ZFR: variants seen among roughly 807,000 people sequenced by gnomAD.
ZFR encodes zinc finger RNA binding protein, also known as zinc finger RNA-binding protein.
A neutral mutation model predicts 130.7 loss-of-function variants in ZFR; 19 were observed. That is an observed-to-expected ratio of 0.15 (90% confidence interval 0.10 to 0.21). ZFR has a LOEUF of 0.21. Ranked by LOEUF, ZFR falls within the 10% of genes least tolerant of loss-of-function variation. The pLI, the probability that ZFR is intolerant of heterozygous loss-of-function variation, is 1.00. For missense variants in ZFR, 872 were observed against 1,321.5 expected (o/e 0.66, Z 5.27); for synonymous variants, 466 against 456.9 (o/e 1.02, Z -0.25).
chr5:32,420,960 C>T (rs1404783303), intron 2 of ZFR, among the ~76,000 whole-genome samples: 3 of 152,096 alleles, frequency 2.0e-5, no homozygotes, highest in Non-Finnish European at 4.4e-5. Context: ...TAAAAGAAGA[C>T]ACAAATCAGA....
intron 15 of ZFR, among the ~76,000 whole-genome samples, chr5:32,380,685 C>T (rs1201228519): frequency 8.3e-6 from 1 of 120,098 alleles, no homozygotes; most frequent in African/African-American, 3.3e-5. Flanking sequence ...GACGGAGTGT[C>T]ACTCTGTCCC....
chr5:32,424,527 C>T (rs1429094932), intron 2 of ZFR, among the ~76,000 whole-genome samples: 4 of 140,742 alleles, frequency 2.8e-5, no homozygotes, highest in African/African-American at 5.4e-5. Context: ...AGCGAGACTC[C>T]GTCTCAAAAA....
chr5:32,399,973 A>C, intron 9 of ZFR, 34 bp downstream of exon 9: 4 of 1,556,968 alleles, frequency 2.6e-6, no homozygotes, highest in Non-Finnish European at 3.5e-6. Flanking sequence ...CCCTTTATCC[A>C]ATTTCACAGC....
chr5:32,444,562 CCGCTGCCCGGGG>C (rs1230125259), intron 1 of ZFR, 48 bp downstream of exon 1: 1 of 1,439,588 alleles, frequency 6.9e-7, no homozygotes, highest in Non-Finnish European at 9.1e-7. Context: ...CCGCGGCTCC[CCGCTGCCCGGGG>C]CCAGGGAGGG....
chr5:32,414,679 T>C (rs1000958770), intron 5 of ZFR, among the ~76,000 whole-genome samples: 26 of 152,172 alleles, frequency 1.7e-4, no homozygotes, highest in African/African-American at 6.3e-4. Flanking sequence ...TAAACAATCC[T>C]GTAGAAAACT....
At chr5:32,439,484 T>A (rs751499644) in intron 2 of ZFR, among the ~76,000 whole-genome samples, 1 of 152,232 alleles carries the variant, frequency 6.6e-6, no homozygotes, top group African/African-American at 2.4e-5. Context: ...ACCCGAGTTA[T>A]CTCATCCTTT....
intron 15 of ZFR, among the ~76,000 whole-genome samples, chr5:32,383,506 AG>A (rs1187138691): frequency 3.3e-5 from 5 of 152,254 alleles, no homozygotes; most frequent in African/African-American, 1.2e-4. Context: ...ATCATAAAAC[AG>A]ATCTGTCATG....
At chr5:32,387,452 T>C (rs41270313) in intron 14 of ZFR, 97 bp downstream of exon 14, 63,052 of 1,434,332 alleles carry the variant, frequency 0.044, 1,542 homozygotes, top group South Asian at 0.049. Context: ...GCCAAAATTT[T>C]AAAGGCTGGC....
rs756894060 is a variant in ZFR, at chr5:32,385,602, C to T, written c.2547G>A (p.Ala849=). 8 of 1,613,344 alleles carry T rather than the reference C, an allele frequency of 5.0e-6. No homozygotes were observed. The highest frequency in any genetic ancestry group is 2.2e-5 in the South Asian group (2 of 91,040). ...CCACACATGAATTCAAAATTATTGCCGCTTCAGATACAGCACATTTTATGT... is the reference window on the plus strand; with the variant it reads ...CCACACATGAATTCAAAATTATTGCTGCTTCAGATACAGCACATTTTATGT... ...KYDIKCAVSE[A]AIILNSCVEP... The change falls in exon 15 of 20, where the codon GCG becomes GCA. Residue 849 remains alanine, a synonymous_variant. Transcript: ENST00000265069.
intron 6 of ZFR, among the ~76,000 whole-genome samples, chr5:32,404,963 C>T (rs1753546541): frequency 6.6e-6 from 1 of 152,142 alleles, no homozygotes; most frequent in Non-Finnish European, 1.5e-5. Flanking sequence ...ACCACAGGTG[C>T]CTGCCACCAT....
intron 12 of ZFR, 40 bp from the exon 13 acceptor site, chr5:32,388,714 C>A: frequency 1.9e-6 from 3 of 1,540,982 alleles, no homozygotes; most frequent in South Asian, 2.4e-5. Flanking sequence ...AAAAAAGTTT[C>A]CTGAGCAAAA....
At chr5:32,392,981 T>C (rs1430457229) in intron 11 of ZFR, among the ~76,000 whole-genome samples, 2 of 152,036 alleles carry the variant, frequency 1.3e-5, no homozygotes, top group Non-Finnish European at 2.9e-5. Context: ...GGCAACACAG[T>C]GAGACTCTGT....
chr5:32,423,703 A>G (rs1360420597), intron 2 of ZFR, among the ~76,000 whole-genome samples: 1 of 152,198 alleles, frequency 6.6e-6, no homozygotes, highest in Non-Finnish European at 1.5e-5. Context: ...TTTCAAATTC[A>G]AAAAGCTCAC....
chr5:32,397,849 CTTTTTTTTTTTTTT>C (rs70961626), intron 9 of ZFR, among the ~76,000 whole-genome samples: 4 of 66,868 alleles, frequency 6.0e-5, no homozygotes, highest in Admixed American at 2.6e-4. Flanking sequence ...GCTCTTGTAT[CTTTTTTTTTTTTTT>C]TTTTTTTTTT....
intron 2 of ZFR, among the ~76,000 whole-genome samples, chr5:32,439,129 C>G (rs1054614100): frequency 2.0e-5 from 3 of 152,302 alleles, no homozygotes; most frequent in East Asian, 1.9e-4. Context: ...TAGCAACAAT[C>G]CTTTTGGAAT....
At chr5:32,374,411 G>A (rs531939807) in intron 17 of ZFR, among the ~76,000 whole-genome samples, 1 of 152,068 alleles carries the variant, frequency 6.6e-6, no homozygotes, top group Non-Finnish European at 1.5e-5. Context: ...GCTGAGGCAG[G>A]AGAATCGCTT....
chr5:32,416,678 T>C (rs1033175255), intron 4 of ZFR, among the ~76,000 whole-genome samples: 1 of 150,656 alleles, frequency 6.6e-6, no homozygotes, highest in African/African-American at 2.4e-5. Flanking sequence ...TCAAAACATG[T>C]TAAAACCACT....
In ZFR at chr5:32,390,288, G is replaced by A. The variant is rs746467261; in HGVS notation, c.2129C>T (p.Pro710Leu). ...GTGGACACTCACTGCAGGCCCCTGA[G>A]GCTGAGGAGGCATGCCTGGTCGGAC... ...LGVRPGMPPQ[P>L]QGPAPLRRPD... The change falls in exon 12 of 20, where the codon CCT becomes CTT. Residue 710 changes from proline to leucine, a missense_variant. By Grantham distance (98) the Pro-to-Leu change is moderately conservative. Coordinates refer to ENST00000265069, the MANE Select transcript of ZFR (RefSeq NM_016107.5). 3 of 1,613,582 alleles carry A rather than the reference G, an allele frequency of 1.9e-6. No individual in the cohort carries two copies. Among genetic ancestry groups the A allele is most frequent in the East Asian group, 4.5e-5 (2 of 44,842 alleles).
intron 13 of ZFR, 123 bp downstream of exon 13, chr5:32,388,346 C>T (rs549443654): frequency 2.2e-6 from 2 of 908,062 alleles, no homozygotes; most frequent in African/African-American, 1.7e-5. Flanking sequence ...ATATCGAACA[C>T]AGGCATGGTT....
Sources: gnomAD v4.1 joint callset for allele counts (sites outside exome capture counted in the v4.1 genomes callset) on GRCh38, gnomAD v4.1.1 for gene constraint, MANE v1.5 for transcripts, NCBI Gene and HGNC (gene_info 2026-07-23, HGNC 2026-07-21) for gene names.